The following TTLL10 variants were observed in gnomAD, a reference collection of about 807,000 sequenced individuals.
TTLL10 encodes the protein tubulin tyrosine ligase like 10, also known as inactive polyglycylase TTLL10.
TTLL10 carries 61 observed loss-of-function variants against 69.0 expected under a neutral mutation model. The ratio of observed to expected loss-of-function variants is 0.88; its 90% CI spans 0.72 to 1.09. TTLL10 has a LOEUF of 1.09. Ranked by LOEUF, TTLL10 falls within the 50% of genes least tolerant of loss-of-function variation. The probability of loss-of-function intolerance (pLI) is 0.00; values close to 1 mark genes in which losing one functional copy is unlikely to be tolerated. For synonymous variants in TTLL10, 408 were observed against 393.3 expected (o/e 1.04, Z -0.44); for missense variants, 962 against 945.9 (o/e 1.02, Z -0.22).
intron 3 of TTLL10, among the ~76,000 whole-genome samples, chr1:1,176,604 T>C (rs1239877107): frequency 6.6e-6 from 1 of 152,154 alleles, no homozygotes; most frequent in Non-Finnish European, 1.5e-5. Context: ...CCTGGGCCGG[T>C]TCCAGCCCTG....
intron 11 of TTLL10, 59 bp from the exon 12 acceptor site, chr1:1,183,861 G>T: frequency 6.2e-7 from 1 of 1,603,008 alleles, no homozygotes; most frequent in East Asian, 2.2e-5. Flanking sequence ...GGGTGTGAGG[G>T]GATGCAGGCC....
intron 3 of TTLL10, chr1:1,175,621 C>T (rs1413917939): frequency 6.8e-6 from 3 of 439,062 alleles, no homozygotes; most frequent in Middle Eastern, 3.3e-4. Context: ...GTCACCCCCA[C>T]AGTCACCATC....
At position 1,184,092 on chromosome 1, in the gene TTLL10, G is replaced by A. The variant is rs533398898; in HGVS notation, c.1260+1G>A. On this transcript the variant is annotated splice_donor_variant, in intron 12 of 15. Transcript: ENST00000379289. LOFTEE classifies it high-confidence loss of function. The stretch of plus-strand genomic sequence containing the variant: ...CCTCGGCGGCCACTTGACCAACCAG[G>A]TGAGTCTGCCATGGGTGAGGGCCCT... 11 of 1,614,166 alleles carry A rather than the reference G, an allele frequency of 6.8e-6. No homozygotes were observed. The East Asian group carries it at 1.3e-4, about 20-fold the overall frequency.
At position 1,180,220 on chromosome 1, in the gene TTLL10, A is replaced by ACGC. The variant is rs1557475459; in HGVS notation, c.392_394dup (p.Ala131dup). On this transcript the variant is annotated inframe_insertion, in exon 6 of 16. Coordinates refer to ENST00000379289, the MANE Select transcript of TTLL10 (RefSeq NM_001130045.2). ...CGGCCTGCAGACTCGGATGACACTAACGCCGCCGGGCCCTCAGCTGCCCTC... is the reference window on the plus strand; with the variant it reads ...CGGCCTGCAGACTCGGATGACACTAACGCCGCCGCCGGGCCCTCAGCTGCCCTC... 2 of 1,609,796 alleles carry ACGC rather than the reference A, an allele frequency of 1.2e-6. No homozygotes were observed. Among genetic ancestry groups the ACGC allele is most frequent in the Non-Finnish European group, 1.7e-6 (2 of 1,178,844 alleles).
chr1:1,179,333 G>A lies in TTLL10; in HGVS notation c.118G>A (p.Gly40Arg), dbSNP rs1646968868. 1 of 1,551,038 alleles carries A rather than the reference G, an allele frequency of 6.4e-7. No individual in the cohort carries two copies. The highest frequency in any genetic ancestry group is 8.7e-7 in the Non-Finnish European group (1 of 1,146,660). The change falls in exon 4 of 16, where the codon GGG (glycine) becomes AGG (arginine). Residue 40 changes from glycine (G) to arginine (R), a missense_variant and splice_region_variant. Physicochemically the swap from Gly to Arg is moderately radical, Grantham distance 125. Transcript: ENST00000379289. ...GCAGAGGCCTCGGGCTCGAGTCTCA[G>A]GTGAATAGAGCAGCCCTGGGTGGCC... Reference protein sequence around the residue: ...IQQRPRARVSGTIPASRLHPA... With the variant: ...IQQRPRARVSRTIPASRLHPA...
Position 1,181,265 on chromosome 1 carries a change from C to G in TTLL10, c.755+405C>G, listed in dbSNP as rs747941419. Among the ~76,000 whole-genome samples, 250 of 152,062 alleles carry G rather than the reference C, an allele frequency of 1.6e-3. No homozygotes were observed. Among genetic ancestry groups the G allele is most frequent in the Non-Finnish European group, 3.0e-3 (203 of 67,974 alleles). ...CAACCCACCTGTCAATCTGCCTTCA[C>G]CCCAAACATCCATCCAATCCATCCA... On this transcript the variant is annotated intron_variant, in intron 8 of 15. Transcript: ENST00000379289. The surrounding 1 kb of genome is among the most constrained non-coding windows in gnomAD (Gnocchi z 4.6).
At chr1:1,180,677 T>A in intron 7 of TTLL10, 54 bp from the exon 8 acceptor site, 1 of 1,566,980 alleles carries the variant, frequency 6.4e-7, no homozygotes, top group East Asian at 2.4e-5. Context: ...GTTGGAGGGG[T>A]GGGGACCGAG....
rs759781446 is a variant in TTLL10 at position 1,180,812 on chromosome 1, C to T, written c.707C>T (p.Ala236Val). Reference protein sequence around the residue: ...IGLLSTLRGRARAMSKASKVP... With the variant: ...IGLLSTLRGRVRAMSKASKVP... ...CTGCTCAGCACCCTTCGGGGACGGGCACGGGCCATGAGCAAGGCCAGCAAG... is the reference window on the plus strand; with the variant it reads ...CTGCTCAGCACCCTTCGGGGACGGGTACGGGCCATGAGCAAGGCCAGCAAG... Residue 236 changes from alanine (A) to valine (V), a missense_variant, in exon 8 of 16, where the codon GCA becomes GTA. Transcript: ENST00000379289. 3 of 1,601,586 alleles carry T rather than the reference C, an allele frequency of 1.9e-6. No homozygotes were observed. The highest frequency in any genetic ancestry group is 1.7e-6 in the Non-Finnish European group (2 of 1,175,036).
At position 1,182,892 on chromosome 1, in the gene TTLL10, C is replaced by A; in HGVS notation, c.933C>A (p.Ile311=). The A allele has an allele frequency of 6.3e-7, 1 of 1,588,014 alleles. No individual in the cohort carries two copies. Among genetic ancestry groups the A allele is most frequent in the Non-Finnish European group, 8.6e-7 (1 of 1,166,980 alleles). Residue 311 remains isoleucine (I), a synonymous_variant, in exon 11 of 16, where the codon ATC becomes ATA. Coordinates refer to ENST00000379289, the MANE Select transcript of TTLL10 (RefSeq NM_001130045.2). ...TCTCTGCAGAAACCCAGATATGGAT[C>A]TGCAAGCCCACAGCCTCCAACCAGG... The part of the protein sequence containing the change: ...FTLFDETQIW[I]CKPTASNQGK...
intron 13 of TTLL10, among the ~76,000 whole-genome samples, chr1:1,191,020 G>C (rs1647735836): frequency 1.3e-5 from 2 of 152,122 alleles, no homozygotes; most frequent in Non-Finnish European, 2.9e-5. Context: ...GTAGAGATGG[G>C]GGTTTCACCA....
At chr1:1,190,075 G>A (rs982644596) in intron 13 of TTLL10, among the ~76,000 whole-genome samples, 3 of 148,672 alleles carry the variant, frequency 2.0e-5, no homozygotes, top group Admixed American at 6.8e-5. Context: ...TCGCACCACT[G>A]CACTCCAGCC....
intron 13 of TTLL10, among the ~76,000 whole-genome samples, chr1:1,193,681 T>A (rs533187627): frequency 8.8e-4 from 134 of 152,230 alleles, no homozygotes; most frequent in Middle Eastern, 3.4e-3. Context: ...GCCAGGCTGA[T>A]CTCAAACTGC....
intron 15 of TTLL10, 108 bp downstream of exon 15, chr1:1,197,294 CCG>C (rs1648289401): frequency 7.5e-7 from 1 of 1,337,980 alleles, no homozygotes. Flanking sequence ...CTTCCACCTC[CCG>C]AGGGCCTGTG....
chr1:1,183,895 A>G (rs1439877373), intron 11 of TTLL10, 25 bp from the exon 12 acceptor site: 1 of 1,613,532 alleles, frequency 6.2e-7, no homozygotes, highest in Non-Finnish European at 8.5e-7. Flanking sequence ...GGCTCAGCCC[A>G]GCAGCCCCGA....
Position 1,180,514 on chromosome 1 carries a change from C to A in TTLL10, c.538C>A (p.Gln180Lys). The A allele has an allele frequency of 6.4e-7, 1 of 1,552,640 alleles. No homozygotes were observed. Among genetic ancestry groups the A allele is most frequent in the Non-Finnish European group, 8.7e-7 (1 of 1,147,960 alleles). Residue 180 changes from glutamine (Q) to lysine (K), a missense_variant, in exon 7 of 16, where the codon CAG becomes AAG. Gln to Lys is a moderately conservative substitution (Grantham distance 53). Transcript: ENST00000379289. ...CTCCTACTGCAAAAGCAAGGGCTGG[C>A]AGCGCATCCATGACAGCCGCCGGGA... ...ISSYCKSKGW[Q>K]RIHDSRRDDY...
chr1:1,179,234 C>G lies in TTLL10; in HGVS notation c.19C>G (p.Arg7Gly). 1 of 1,548,148 alleles carries G rather than the reference C, an allele frequency of 6.5e-7. No individual in the cohort carries two copies. The highest frequency in any genetic ancestry group is 1.2e-5 in the South Asian group (1 of 83,528). MDHSCT[R>G]FIHRRGPPTR... is the part of the protein sequence containing the mutation. ...CCGGCCAATGGACCACAGCTGCACC[C>G]GGTTCATCCACCGCCGGGGACCACC... Residue 7 changes from arginine (R) to glycine (G), a missense_variant, in exon 4 of 16, where the codon CGG becomes GGG. Transcript: ENST00000379289.
chr1:1,185,956 A>ATTGGC lies in TTLL10; in HGVS notation c.1401+847_1401+848insTTGGC. ...TTCATCACCTCAAAAAAGAAACACT[A>ATTGGC]CTAACGAGCCATCACAGCTACATTG... On this transcript the variant is annotated intron_variant, in intron 13 of 15. Transcript: ENST00000379289. The surrounding 1 kb of genome is among the most constrained non-coding windows in gnomAD (Gnocchi z 6.1). 1 of 544,338 alleles carries ATTGGC rather than the reference A, an allele frequency of 1.8e-6. No homozygotes were observed. Among genetic ancestry groups the ATTGGC allele is most frequent in the Non-Finnish European group, 2.3e-6 (1 of 426,810 alleles). The allele number at this position is 544,338 out of a possible 1,614,324, so 33.7% of individuals were successfully genotyped here. A position where few individuals can be genotyped will look rare whatever the true frequency, so the allele number is the denominator to read the frequency against.
In TTLL10 at chr1:1,197,448, C is replaced by A. The variant is rs753271141; in HGVS notation, c.1623C>A (p.Leu541=). The change falls in exon 16 of 16, where the codon CTC becomes CTA. Residue 541 remains leucine (L), a synonymous_variant. Transcript: ENST00000379289. ...GVVIETLDLV[L]ETFRKSLRGQ... ...CCCCACCCGCACCAGACCTGGTGCTCGAGACCTTCCGGAAGAGCCTGCGCG... is the reference window on the plus strand; with the variant it reads ...CCCCACCCGCACCAGACCTGGTGCTAGAGACCTTCCGGAAGAGCCTGCGCG... 7 of 1,524,758 alleles carry A rather than the reference C, an allele frequency of 4.6e-6. No homozygotes were observed. The South Asian group carries it at 8.4e-5, about 18-fold the overall frequency. The allele number at this position is 1,524,758 out of a possible 1,614,324, so 94.5% of individuals were successfully genotyped here.
intron 13 of TTLL10, among the ~76,000 whole-genome samples, chr1:1,187,082 G>A (rs931889404): frequency 5.3e-5 from 8 of 151,576 alleles, no homozygotes; most frequent in South Asian, 2.1e-4. Context: ...TCCTGACCTC[G>A]TGATCTGCCC....
Sources: allele counts gnomAD v4.1 joint callset (sites outside exome capture counted in the v4.1 genomes callset), GRCh38; gene constraint gnomAD v4.1.1; non-coding constraint Gnocchi (gnomAD v3.1); transcripts MANE v1.5; gene names NCBI Gene and HGNC (gene_info 2026-07-23, HGNC 2026-07-21).